The following MMEL1 variants were observed in gnomAD, a reference collection of about 807,000 sequenced individuals.
The protein encoded by MMEL1 is membrane metalloendopeptidase like 1.
In MMEL1, 98 loss-of-function variants were observed where a neutral mutation model predicts 117.1. The ratio of observed to expected loss-of-function variants is 0.84; its 90% CI spans 0.71 to 0.99. MMEL1 has a LOEUF of 0.99. MMEL1 is among the 50% of genes least tolerant of loss of function. The pLI, the probability that MMEL1 is intolerant of heterozygous loss-of-function variation, is 0.00. For synonymous variants in MMEL1, 390 were observed against 415.1 expected, an observed-to-expected ratio of 0.94 and a Z score of 0.74; for missense variants, 1,014 against 1,049.1, an observed-to-expected ratio of 0.97 and a Z score of 0.46.
chr1:2,591,782 T>C lies in MMEL1; in HGVS notation c.2164-149A>G, dbSNP rs539720010. On this transcript the variant is annotated intron_variant, in intron 22 of 23. Transcript: ENST00000378412. ...TCCCCTCCTCCCATCAGCATTGAAA[T>C]CCTGTCCAGCTCCCGCCCCCTGCCC... 5 of 1,040,350 alleles carry C rather than the reference T, an allele frequency of 4.8e-6. No individual in the cohort carries two copies. In the East Asian group the frequency reaches 9.5e-5, roughly 20 times the overall value. 64.4% of individuals were successfully genotyped at this position (1,040,350 alleles called of 1,614,324 possible).
At chr1:2,605,513 G>C (rs745884544) in intron 9 of MMEL1, 45 bp downstream of exon 9, 2 of 1,562,228 alleles carry the variant, frequency 1.3e-6, no homozygotes, top group South Asian at 2.2e-5. Context: ...ACGGGGTAGG[G>C]GGTGATGGGG....
chr1:2,629,590 G>C, intron 1 of MMEL1, 69 bp from the exon 2 acceptor site: 1 of 1,335,790 alleles, frequency 7.5e-7, no homozygotes, highest in Non-Finnish European at 9.7e-7. Context: ...GAGGCTGGAA[G>C]GGCCGGATGC....
At chr1:2,631,310 C>T (rs1350263885) in intron 1 of MMEL1, among the ~76,000 whole-genome samples, 2 of 152,130 alleles carry the variant, frequency 1.3e-5, no homozygotes, top group Non-Finnish European at 2.9e-5. Flanking sequence ...GGAAGCCAGG[C>T]CCAGTCCTGC....
chr1:2,628,875 G>A (rs1638397480), intron 2 of MMEL1, among the ~76,000 whole-genome samples: 1 of 151,902 alleles, frequency 6.6e-6, no homozygotes, highest in South Asian at 2.1e-4. Flanking sequence ...TCTCTCCGCA[G>A]GATGGCAGCG....
At chr1:2,623,288 C>A (rs1645319071) in intron 2 of MMEL1, among the ~76,000 whole-genome samples, 2 of 152,036 alleles carry the variant, frequency 1.3e-5, no homozygotes, top group Non-Finnish European at 2.9e-5. Context: ...ATATTGATTA[C>A]TTTAATATTT....
At position 2,594,374 on chromosome 1, in the gene MMEL1, GA is replaced by G. The variant is rs1426496634; in HGVS notation, c.1747+10del. 1 of 1,551,818 alleles carries G rather than the reference GA, an allele frequency of 6.4e-7. No individual in the cohort carries two copies. The highest frequency in any genetic ancestry group is 8.7e-7 in the Non-Finnish European group (1 of 1,146,968). ...AAGGGCCTGGGCAGGCAGGGAGGGGGAGGAACTTACCAATCTGGTTTCGGTT... is the reference window on the plus strand; with the variant it reads ...AAGGGCCTGGGCAGGCAGGGAGGGGGGGAACTTACCAATCTGGTTTCGGTT... On this transcript the variant is annotated intron_variant, in intron 18 of 23. Transcript: ENST00000378412.
Position 2,619,612 on chromosome 1 carries a change from C to T in MMEL1, c.155-7408G>A, listed in dbSNP as rs543719950. Reference sequence around the variant, plus strand: ...GGCAGAGGTTGCATGGATCCAAGATCGTGCCACTGCATTCCAGCCTGGGCG... The same window carrying T: ...GGCAGAGGTTGCATGGATCCAAGATTGTGCCACTGCATTCCAGCCTGGGCG... On this transcript the variant is annotated intron_variant, in intron 2 of 23. Transcript: ENST00000378412. Among the ~76,000 whole-genome samples, 20 of 145,322 alleles carry T rather than the reference C, an allele frequency of 1.4e-4. No homozygotes were observed. The East Asian group carries it at 3.2e-3, about 23-fold the overall frequency.
intron 6 of MMEL1, among the ~76,000 whole-genome samples, chr1:2,608,391 G>C (rs960027305): frequency 6.6e-6 from 1 of 152,056 alleles, no homozygotes; most frequent in Non-Finnish European, 1.5e-5. Context: ...TCCTTTAATA[G>C]GAACTGAAAC....
intron 2 of MMEL1, among the ~76,000 whole-genome samples, chr1:2,627,376 T>C (rs1216488730): frequency 6.6e-6 from 1 of 152,208 alleles, no homozygotes; most frequent in Non-Finnish European, 1.5e-5. Context: ...TCTTGATCTT[T>C]CCAAATCTTT....
In MMEL1 at chr1:2,629,475, A is replaced by C. The variant is rs939593346; in HGVS notation, c.10T>G (p.Ser4Ala). The C allele has an allele frequency of 6.6e-7, 1 of 1,517,652 alleles. No homozygotes were observed. Among genetic ancestry groups the C allele is most frequent in the Admixed American group, 2.0e-5 (1 of 49,246 alleles). 94.0% of individuals were successfully genotyped at this position (1,517,652 alleles called of 1,614,324 possible). The change falls in exon 2 of 24, where the codon TCC becomes GCC. Residue 4 changes from serine to alanine, a missense_variant. Coordinates refer to ENST00000378412, the MANE Select transcript of MMEL1 (RefSeq NM_033467.4). ...TCCACCATCCCCACTGGGCCTTCGG[A>C]CTTCCCCATCAGCAGGGCTCTGGAC... MGK[S>A]EGPVGMVESA...
chr1:2,594,501 T>C (rs1224990289), intron 17 of MMEL1, 58 bp from the exon 18 acceptor site: 2 of 1,532,424 alleles, frequency 1.3e-6, no homozygotes, highest in Non-Finnish European at 1.8e-6. Flanking sequence ...CCCTCTGGGC[T>C]CTCTCTGCCT....
intron 12 of MMEL1, 100 bp from the exon 13 acceptor site, chr1:2,598,400 A>G (rs1290511796): frequency 1.9e-5 from 25 of 1,315,104 alleles, no homozygotes; most frequent in Non-Finnish European, 2.6e-5. Flanking sequence ...TCCACCCCAG[A>G]GAGTTATGGG....
Position 2,612,304 on chromosome 1 carries a change from G to A in MMEL1, c.155-100C>T. On this transcript the variant is annotated intron_variant, in intron 2 of 23. Transcript: ENST00000378412. The surrounding 1 kb of genome is among the most constrained non-coding windows in gnomAD (Gnocchi z 5.4). ...CAGCACGCCATCTTCCCACAGTGCTGGGTGCTGCAGCCCTACCCCTGTAGT... is the reference window on the plus strand; with the variant it reads ...CAGCACGCCATCTTCCCACAGTGCTAGGTGCTGCAGCCCTACCCCTGTAGT... The A allele has an allele frequency of 1.0e-6, 1 of 978,026 alleles. No individual in the cohort carries two copies. The highest frequency in any genetic ancestry group is 1.6e-6 in the Non-Finnish European group (1 of 640,712). 60.6% of individuals were successfully genotyped at this position (978,026 alleles called of 1,614,324 possible).
Position 2,595,037 on chromosome 1 carries a change from G to C in MMEL1, c.1585-144C>G. Reference sequence around the variant, plus strand: ...AGTCGGCTGTGGGTGCAGGTGAACGGGGCAGCCCTGGCTGTGGGCATTTAC... The same window carrying C: ...AGTCGGCTGTGGGTGCAGGTGAACGCGGCAGCCCTGGCTGTGGGCATTTAC... On this transcript the variant is annotated intron_variant, in intron 16 of 23. Coordinates refer to ENST00000378412, the MANE Select transcript of MMEL1 (RefSeq NM_033467.4). This position sits in a 1 kb window ranked among gnomAD's most constrained non-coding sequence, Gnocchi z 4.8. The C allele has an allele frequency of 1.4e-6, 1 of 731,140 alleles. No homozygotes were observed. The highest frequency in any genetic ancestry group is 2.3e-6 in the Non-Finnish European group (1 of 433,602). The allele number at this position is 731,140 out of a possible 1,614,324, so 45.3% of individuals were successfully genotyped here.
chr1:2,598,258 G>A lies in MMEL1; in HGVS notation c.1221C>T (p.Arg407=). The change falls in exon 13 of 24, where the codon CGC becomes CGT. Residue 407 remains arginine, a synonymous_variant. Transcript: ENST00000378412. ...TGAATCTCTGGCTTAGGCTACCAAT[G>A]CGGTCCAGCACCAGGCGCCAGACCA... is the stretch of plus-strand genomic sequence containing the variant. The part of the protein sequence containing the change: ...NYLVWRLVLD[R]IGSLSQRFKD... 6.2e-7 allele frequency: 1 copy of A among 1,614,128 alleles called. No homozygotes were observed. Among genetic ancestry groups the A allele is most frequent in the Non-Finnish European group, 8.5e-7 (1 of 1,180,026 alleles).
intron 2 of MMEL1, among the ~76,000 whole-genome samples, chr1:2,626,776 G>C (rs1364141999): frequency 6.6e-6 from 1 of 152,218 alleles, no homozygotes; most frequent in African/African-American, 2.4e-5. Flanking sequence ...CTGTCGAAAA[G>C]ATAGAAATAC....
Position 2,594,413 on chromosome 1 carries a change from C to T in MMEL1, c.1719G>A (p.Ala573=), listed in dbSNP as rs200139290. 521 of 1,551,644 alleles carry T rather than the reference C, an allele frequency of 3.4e-4. 1 individual carries two copies. The highest frequency in any genetic ancestry group is 3.5e-4 in the Non-Finnish European group (407 of 1,146,986). ...TCTGGTTTCGGTTTGGGGAGTAGAA[C>T]GCATTGACCACCGCCGCCCCGATGA... is the stretch of plus-strand genomic sequence containing the variant. The part of the protein sequence containing the change: ...LWIIGAAVVN[A]FYSPNRNQIV... Residue 573 remains alanine, a synonymous_variant, in exon 18 of 24, where the codon GCG becomes GCA. Transcript: ENST00000378412.
At chr1:2,613,917 T>C (rs1645166560) in intron 2 of MMEL1, among the ~76,000 whole-genome samples, 1 of 152,090 alleles carries the variant, frequency 6.6e-6, no homozygotes, top group Non-Finnish European at 1.5e-5. Context: ...TGATTCCAAT[T>C]ATGTGACATT....
At chr1:2,632,320 C>T (rs1638629943) in intron 1 of MMEL1, among the ~76,000 whole-genome samples, 1 of 152,230 alleles carries the variant, frequency 6.6e-6, no homozygotes, top group Non-Finnish European at 1.5e-5. Flanking sequence ...GGGGCCGCTT[C>T]ACCTAGACTG....
Sources: gnomAD v4.1 joint callset for allele counts (sites outside exome capture counted in the v4.1 genomes callset) on GRCh38, gnomAD v4.1.1 for gene constraint, Gnocchi (gnomAD v3.1) non-coding constraint, MANE v1.5 for transcripts, NCBI Gene and HGNC (gene_info 2026-07-23, HGNC 2026-07-21) for gene names.